EDIL3: variants seen among roughly 807,000 people sequenced by gnomAD.
The protein encoded by EDIL3 is EGF like and discoidin domains 3, also known as EGF-like repeat and discoidin I-like domain-containing protein 3.
Under a neutral mutation model 67.4 loss-of-function variants are expected in EDIL3, and 37 were observed. That is an observed-to-expected ratio of 0.55 (90% CI 0.42 to 0.72). The LOEUF is 0.72. Ranked by LOEUF, EDIL3 falls within the 30% of genes least tolerant of loss-of-function variation. The pLI, the probability that EDIL3 is intolerant of heterozygous loss-of-function variation, is 0.00. For missense variants in EDIL3, 527 were observed against 586.3 expected (o/e 0.90, Z 1.04); for synonymous variants, 195 against 196.3 (o/e 0.99, Z 0.05).
intron 9 of EDIL3, among the ~76,000 whole-genome samples, chr5:83,970,256 T>TTATATATATATATA (rs60143474): frequency 0.012 from 1,570 of 128,208 alleles, 24 homozygotes; most frequent in African/African-American, 0.026. Flanking sequence ...GTGTCACTAA[T>TTATATATATATATA]TATATATATA....
chr5:84,001,555 C>CAA (rs151120889), intron 9 of EDIL3, among the ~76,000 whole-genome samples: 5 of 148,354 alleles, frequency 3.4e-5, no homozygotes, highest in Non-Finnish European at 6.0e-5. Flanking sequence ...CCCCCACTGC[C>CAA]AAAAAAAAAG....
intron 9 of EDIL3, 31 bp downstream of exon 9, chr5:84,060,269 T>A: frequency 6.2e-7 from 1 of 1,607,372 alleles, no homozygotes; most frequent in Non-Finnish European, 8.5e-7. Flanking sequence ...AGAGGAACAG[T>A]GGGTAGTGAA....
At chr5:84,119,224 T>TG (rs1747729097) in intron 5 of EDIL3, among the ~76,000 whole-genome samples, 2 of 147,274 alleles carry the variant, frequency 1.4e-5, no homozygotes, top group African/African-American at 4.9e-5. Flanking sequence ...TTTTTTTTTT[T>TG]TTTTTTTTTT....
intron 2 of EDIL3, among the ~76,000 whole-genome samples, chr5:84,235,136 A>G (rs1037863798): frequency 1.4e-4 from 21 of 152,114 alleles, no homozygotes; most frequent in African/African-American, 5.1e-4. Flanking sequence ...TTTTTGTTTT[A>G]TTATTTGTTT....
chr5:84,196,582 T>C (rs1410648906), intron 3 of EDIL3, among the ~76,000 whole-genome samples: 1 of 152,026 alleles, frequency 6.6e-6, no homozygotes, highest in African/African-American at 2.4e-5. Flanking sequence ...AGAATGTAAT[T>C]GATGTGAGGA....
chr5:84,121,538 G>T (rs72776512), intron 5 of EDIL3, among the ~76,000 whole-genome samples: 9,580 of 130,032 alleles, frequency 0.074, 801 homozygotes, highest in African/African-American at 0.16. Flanking sequence ...AACTTAGATC[G>T]ATCTATCTAT....
chr5:84,098,790 G>A (rs893352829), intron 6 of EDIL3, among the ~76,000 whole-genome samples: 1 of 152,048 alleles, frequency 6.6e-6, no homozygotes. Flanking sequence ...AGCACTAAAT[G>A]CCCACATCAA....
chr5:84,373,564 G>T (rs746124385), intron 1 of EDIL3, among the ~76,000 whole-genome samples: 5 of 152,144 alleles, frequency 3.3e-5, no homozygotes, highest in East Asian at 1.9e-4. Flanking sequence ...ATGGAAAAAA[G>T]ACTTTAGAAA....
At chr5:84,306,120 G>C (rs558714689) in intron 1 of EDIL3, among the ~76,000 whole-genome samples, 1 of 152,144 alleles carries the variant, frequency 6.6e-6, no homozygotes, top group African/African-American at 2.4e-5. Context: ...GCATACTCAG[G>C]AAATTAACCT....
chr5:84,360,426 GAA>G (rs1747572878), intron 1 of EDIL3, among the ~76,000 whole-genome samples: 1 of 152,032 alleles, frequency 6.6e-6, no homozygotes, highest in Non-Finnish European at 1.5e-5. Context: ...CTTAAATACC[GAA>G]GTTTGACAAA....
At chr5:84,147,548 C>G (rs970218230) in intron 4 of EDIL3, among the ~76,000 whole-genome samples, 17 of 152,040 alleles carry the variant, frequency 1.1e-4, no homozygotes, top group Admixed American at 6.6e-4. Context: ...AAGATACAAA[C>G]TATATGAAAC....
chr5:84,350,412 T>C (rs1255091055), intron 1 of EDIL3, among the ~76,000 whole-genome samples: 2 of 152,052 alleles, frequency 1.3e-5, no homozygotes, highest in Non-Finnish European at 2.9e-5. Context: ...TAGATGGGTA[T>C]GCTGTTGAGA....
At chr5:84,085,282 T>C (rs1306367988) in intron 6 of EDIL3, among the ~76,000 whole-genome samples, 1 of 152,190 alleles carries the variant, frequency 6.6e-6, no homozygotes, top group Non-Finnish European at 1.5e-5. Flanking sequence ...ATTTTCAGCA[T>C]TTTTGCGCTG....
At chr5:84,299,256 T>C (rs563047545) in intron 1 of EDIL3, among the ~76,000 whole-genome samples, 14 of 152,282 alleles carry the variant, frequency 9.2e-5, no homozygotes, top group African/African-American at 2.6e-4. Context: ...TGATATAGGC[T>C]AATATCGAAA....
At chr5:84,335,150 G>GT in intron 1 of EDIL3, among the ~76,000 whole-genome samples, 1 of 152,024 alleles carries the variant, frequency 6.6e-6, no homozygotes, top group South Asian at 2.1e-4. Flanking sequence ...TTGTGATTTT[G>GT]TTTATACCTT....
rs186382705 is a variant in EDIL3, at chr5:84,008,699, A to G, written c.1138-45339T>C. Among the ~76,000 whole-genome samples, 210 of 152,336 alleles carry G rather than the reference A, an allele frequency of 1.4e-3. 1 individual carries two copies. The highest frequency in any genetic ancestry group is 2.7e-3 in the South Asian group (13 of 4,832). ...AAAGCAGTTTCACAGAAATGATGGGATAAAAAAGTGAGTAGGAGGTGGGAG... is the reference window on the plus strand; with the variant it reads ...AAAGCAGTTTCACAGAAATGATGGGGTAAAAAAGTGAGTAGGAGGTGGGAG... On this transcript the variant is annotated intron_variant, in intron 9 of 10. Coordinates refer to ENST00000296591, the MANE Select transcript of EDIL3 (RefSeq NM_005711.5).
At chr5:84,108,773 T>C (rs1244242141) in intron 5 of EDIL3, among the ~76,000 whole-genome samples, 2 of 152,162 alleles carry the variant, frequency 1.3e-5, no homozygotes, top group Non-Finnish European at 2.9e-5. Context: ...GTACAATGTT[T>C]GGATGGAAAA....
chr5:84,378,405 C>G (rs1270660795), intron 1 of EDIL3, among the ~76,000 whole-genome samples: 1 of 152,086 alleles, frequency 6.6e-6, no homozygotes, highest in African/African-American at 2.4e-5. Context: ...CTGCATGTAC[C>G]CAGTTTTTTG....
chr5:84,162,908 T>C (rs1166069067), intron 4 of EDIL3, among the ~76,000 whole-genome samples: 2 of 152,114 alleles, frequency 1.3e-5, no homozygotes, highest in African/African-American at 2.4e-5. Flanking sequence ...ACTGATTATA[T>C]GACATCATCA....
Sources: allele counts gnomAD v4.1 joint callset (sites outside exome capture counted in the v4.1 genomes callset), GRCh38; gene constraint gnomAD v4.1.1; transcripts MANE v1.5; gene names NCBI Gene and HGNC (gene_info 2026-07-23, HGNC 2026-07-21).